Variants in EIF4A1 observed in about 807,000 individuals in gnomAD.
EIF4A1 encodes eukaryotic translation initiation factor 4A1, also known as eukaryotic initiation factor 4A-I.
In EIF4A1, 11 loss-of-function variants were observed where a neutral mutation model predicts 53.5. The observed-to-expected ratio is 0.21, with a 90% CI of 0.13 to 0.34. EIF4A1 has a LOEUF of 0.34. Ranked by LOEUF, EIF4A1 falls within the 10% of genes least tolerant of loss-of-function variation. The pLI is 1.00. For missense variants in EIF4A1, 213 were observed against 530.8 expected, an observed-to-expected ratio of 0.40 and a Z score of 5.88; for synonymous variants, 237 against 186.7, an observed-to-expected ratio of 1.27 and a Z score of -2.20.
intron 4 of EIF4A1, 131 bp from the exon 5 acceptor site, chr17:7,576,393 A>G: frequency 8.2e-7 from 1 of 1,219,180 alleles, no homozygotes; most frequent in Non-Finnish European, 1.1e-6. Flanking sequence ...CCTGTTTCTC[A>G]GCTGAATGTG....
In EIF4A1 at chr17:7,578,552, G is replaced by C. The variant is rs889959383; in HGVS notation, c.*66G>C. 20 of 1,477,498 alleles carry C rather than the reference G, an allele frequency of 1.4e-5. No individual in the cohort carries two copies. The highest frequency in any genetic ancestry group is 2.4e-5 in the Admixed American group (1 of 41,890). 91.5% of individuals were successfully genotyped at this position (1,477,498 alleles called of 1,614,324 possible). A position where few individuals can be genotyped will look rare whatever the true frequency, so the allele number is the denominator to read the frequency against. On this transcript the variant is annotated 3_prime_UTR_variant, in exon 11 of 11. Transcript: ENST00000293831. ...CTGGGGGCTGAGGAGCAGCAGGAGG[G>C]GGGAGGGAAGGGAGCCAAGGGATGG...
intron 1 of EIF4A1, chr17:7,574,033 A>AC: frequency 1.8e-6 from 1 of 566,534 alleles, no homozygotes; most frequent in Non-Finnish European, 3.1e-6. Flanking sequence ...AGAAAGGGTC[A>AC]CCCCCTTATG....
At chr17:7,578,067 C>T in intron 9 of EIF4A1, 98 bp from the exon 10 acceptor site, 1 of 1,586,970 alleles carries the variant, frequency 6.3e-7, no homozygotes, top group Non-Finnish European at 8.7e-7. Context: ...CTTATTTCCT[C>T]TGCCTTCCTT....
At position 7,574,638 on chromosome 17, in the gene EIF4A1, C is replaced by T. The variant is rs2071375806; in HGVS notation, c.165C>T (p.Pro55=). The T allele has an allele frequency of 6.2e-7, 1 of 1,612,352 alleles. No individual in the cohort carries two copies. Among genetic ancestry groups the T allele is most frequent in the Non-Finnish European group, 8.5e-7 (1 of 1,180,028 alleles). The change falls in exon 3 of 11, where the codon CCC becomes CCT. Residue 55 remains proline, a synonymous_variant. Coordinates refer to ENST00000293831, the MANE Select transcript of EIF4A1 (RefSeq NM_001416.4). ...RGIYAYGFEK[P]SAIQQRAILP... ...TCTACGCGTATGGTTTTGAGAAGCC[C>T]TCTGCCATCCAGCAGCGAGCCATTC... is the stretch of plus-strand genomic sequence containing the variant.
intron 1 of EIF4A1, chr17:7,573,707 C>G (rs1567732717): frequency 6.4e-6 from 1 of 156,654 alleles, no homozygotes; most frequent in South Asian, 1.7e-4. Flanking sequence ...TGTGCAATCT[C>G]CCCCTTTGCT....
chr17:7,575,753 G>GAAGTT, intron 4 of EIF4A1: 1 of 261,752 alleles, frequency 3.8e-6, no homozygotes, highest in South Asian at 4.3e-5. Context: ...GATAATGTAA[G>GAAGTT]AAGTTACAGC....
chr17:7,578,496 C>T lies in EIF4A1; in HGVS notation c.*10C>T, dbSNP rs777167454. 5.7e-6 allele frequency: 9 copies of T among 1,575,134 alleles called. No homozygotes were observed. Among genetic ancestry groups the T allele is most frequent in the Admixed American group, 1.8e-5 (1 of 56,774 alleles). ...TGCTGACCTCATCTGAGGGGCTGTCCTGCCACCCAGCCCCAGCCAGGGCTC... is the reference window on the plus strand; with the variant it reads ...TGCTGACCTCATCTGAGGGGCTGTCTTGCCACCCAGCCCCAGCCAGGGCTC... On this transcript the variant is annotated 3_prime_UTR_variant, in exon 11 of 11. Coordinates refer to ENST00000293831, the MANE Select transcript of EIF4A1 (RefSeq NM_001416.4).
chr17:7,574,392 C>T, intron 2 of EIF4A1, 84 bp downstream of exon 2: 1 of 1,608,716 alleles, frequency 6.2e-7, no homozygotes, highest in Non-Finnish European at 8.5e-7. Context: ...GATTGATTTC[C>T]CAGATCATCT....
chr17:7,574,038 C>A, intron 1 of EIF4A1: 1 of 580,156 alleles, frequency 1.7e-6, no homozygotes, highest in Non-Finnish European at 3.1e-6. Context: ...GGGTCACCCC[C>A]TTATGTCGGG....
chr17:7,578,545 C>A lies in EIF4A1; in HGVS notation c.*59C>A. On this transcript the variant is annotated 3_prime_UTR_variant, in exon 11 of 11. Transcript: ENST00000293831. ...TCAATCTCTGGGGGCTGAGGAGCAG[C>A]AGGAGGGGGGAGGGAAGGGAGCCAA... is the stretch of plus-strand genomic sequence containing the variant. 6.7e-7 allele frequency: 1 copy of A among 1,493,432 alleles called. No homozygotes were observed. Among genetic ancestry groups the A allele is most frequent in the Non-Finnish European group, 8.9e-7 (1 of 1,123,216 alleles). The allele number at this position is 1,493,432 out of a possible 1,614,324, so 92.5% of individuals were successfully genotyped here.
At chr17:7,575,391 T>G in intron 4 of EIF4A1, 133 bp downstream of exon 4, 1 of 1,291,666 alleles carries the variant, frequency 7.7e-7, no homozygotes, top group Non-Finnish European at 1.1e-6. Context: ...CGAGACCTGC[T>G]GGGTTAATTA....
chr17:7,574,957 T>C, intron 3 of EIF4A1, 162 bp from the exon 4 acceptor site: 1 of 1,113,780 alleles, frequency 9.0e-7, no homozygotes, highest in Non-Finnish European at 1.3e-6. Flanking sequence ...GGTCCTTGTT[T>C]CTGATCTGGT....
At chr17:7,573,171 G>A (rs994869342) in intron 1 of EIF4A1, 612 of 557,958 alleles carry the variant, frequency 1.1e-3, no homozygotes, top group Non-Finnish European at 1.7e-3. Context: ...CCTGGCGTGG[G>A]AAAGAAAGGT....
chr17:7,575,297 A>AGG (rs1396246016), intron 4 of EIF4A1, 39 bp downstream of exon 4: 1 of 1,612,462 alleles, frequency 6.2e-7, no homozygotes, highest in Admixed American at 1.7e-5. Context: ...GGGCTGATTT[A>AGG]GGGATGATGA....
intron 4 of EIF4A1, chr17:7,575,573 T>G (rs529932131): frequency 4.0e-4 from 180 of 451,242 alleles, no homozygotes; most frequent in Non-Finnish European, 6.0e-4. Flanking sequence ...CTTACAGTAG[T>G]CAGAGCAGAT....
intron 2 of EIF4A1, 27 bp downstream of exon 2, chr17:7,574,335 C>T (rs965471533): frequency 1.2e-6 from 2 of 1,614,148 alleles, no homozygotes; most frequent in Non-Finnish European, 8.5e-7. Flanking sequence ...GGAATTCTGT[C>T]CTCCCCCATT....
intron 4 of EIF4A1, 170 bp downstream of exon 4, chr17:7,575,428 C>T (rs751060163): frequency 9.8e-7 from 1 of 1,020,286 alleles, no homozygotes; most frequent in Non-Finnish European, 1.5e-6. Flanking sequence ...CAAACGTAAC[C>T]ATTGCTTCCT....
At position 7,577,815 on chromosome 17, in the gene EIF4A1, TTTCTC is replaced by T; in HGVS notation, c.907-8_907-4del. The T allele has an allele frequency of 2.5e-6, 4 of 1,614,168 alleles. No homozygotes were observed. Among genetic ancestry groups the T allele is most frequent in the Non-Finnish European group, 3.4e-6 (4 of 1,180,028 alleles). ...CCTACCTGGTCTGCTGCATATTTGTTTTCTCTTCCAGCATGGAGATATGGACCAAA... is the reference window on the plus strand; with the variant it reads ...CCTACCTGGTCTGCTGCATATTTGTTTTCCAGCATGGAGATATGGACCAAA... On this transcript the variant is annotated splice_polypyrimidine_tract_variant and splice_region_variant and intron_variant, in intron 8 of 10. Coordinates refer to ENST00000293831, the MANE Select transcript of EIF4A1 (RefSeq NM_001416.4). This position sits in a 1 kb window ranked among gnomAD's most constrained non-coding sequence, Gnocchi z 4.7.
intron 1 of EIF4A1, 141 bp from the exon 2 acceptor site, chr17:7,574,119 A>AT: frequency 5.3e-6 from 5 of 936,682 alleles, no homozygotes; most frequent in South Asian, 1.5e-5. Flanking sequence ...TCCTTTGGGT[A>AT]TTTTTTGGGA....
Sources: allele counts gnomAD v4.1 joint callset, GRCh38; gene constraint gnomAD v4.1.1; non-coding constraint Gnocchi (gnomAD v3.1); transcripts MANE v1.5; gene names NCBI Gene and HGNC (gene_info 2026-07-23, HGNC 2026-07-21).